Variants in PDE4C observed in about 807,000 individuals in gnomAD.
The protein encoded by PDE4C is phosphodiesterase 4C, also known as 3',5'-cyclic-AMP phosphodiesterase 4C.
PDE4C carries 50 observed loss-of-function variants against 63.9 expected under a neutral mutation model. The observed-to-expected ratio is 0.78, with a 90% CI of 0.62 to 0.99. PDE4C has a LOEUF of 0.99. PDE4C is among the 50% of genes least tolerant of loss of function. PDE4C has a pLI of 0.00. For missense variants in PDE4C, 777 were observed against 899.1 expected, an observed-to-expected ratio of 0.86 and a Z score of 1.74; for synonymous variants, 377 against 385.1, an observed-to-expected ratio of 0.98 and a Z score of 0.25.
At chr19:18,219,508 G>C in intron 7 of PDE4C, 111 bp from the exon 8 acceptor site, 1 of 1,258,562 alleles carries the variant, frequency 7.9e-7, no homozygotes. Flanking sequence ...CCTTTCTACA[G>C]GAACCAAAGT....
rs763759703 is a variant in PDE4C at position 18,213,503 on chromosome 19, A to G, written c.1390-13T>C. 4 of 1,609,016 alleles carry G rather than the reference A, an allele frequency of 2.5e-6. No homozygotes were observed. The East Asian group carries it at 6.7e-5, about 27-fold the overall frequency. On this transcript the variant is annotated splice_polypyrimidine_tract_variant and intron_variant, in intron 12 of 14. Coordinates refer to ENST00000262805, the Ensembl canonical transcript of PDE4C. ...CTGTGGCCAGCACCTGGGGGCAGGCAAGGGAAGGTGACAGGCGCGAGGACC... is the reference window on the plus strand; with the variant it reads ...CTGTGGCCAGCACCTGGGGGCAGGCGAGGGAAGGTGACAGGCGCGAGGACC...
exon 14 of PDE4C, chr19:18,211,860 T>G: frequency 6.2e-7 from 1 of 1,614,226 alleles, no homozygotes; most frequent in Non-Finnish European, 8.5e-7. Context: ...TCGGCCATGA[T>G]GCGGTCCGTC....
intron 1 of PDE4C, among the ~76,000 whole-genome samples, chr19:18,242,867 T>G (rs867337432): frequency 6.6e-6 from 1 of 151,154 alleles, no homozygotes; most frequent in African/African-American, 2.4e-5. Context: ...GGGTGAGGAC[T>G]TAGGATTTGA....
intron 1 of PDE4C, among the ~76,000 whole-genome samples, chr19:18,232,670 T>C (rs930670104): frequency 2.0e-5 from 3 of 150,626 alleles, no homozygotes; most frequent in Non-Finnish European, 4.4e-5. Context: ...CAAACACATC[T>C]GGTCACCCCA....
chr19:18,234,799 C>T (rs1244959279), upstream of PDE4C, among the ~76,000 whole-genome samples: 2 of 152,132 alleles, frequency 1.3e-5, no homozygotes, highest in African/African-American at 2.4e-5. Context: ...GGATGTCAGA[C>T]AGACTGAATT....
intron 12 of PDE4C, among the ~76,000 whole-genome samples, 172 bp from the exon 13 acceptor site, chr19:18,213,662 G>A (rs1968068996): frequency 1.3e-5 from 2 of 152,236 alleles, no homozygotes; most frequent in African/African-American, 4.8e-5. Context: ...TCAAAAGAGG[G>A]GCTCAGTCAG....
intron 13 of PDE4C, among the ~76,000 whole-genome samples, chr19:18,212,165 A>C (rs1045309081): frequency 1.4e-5 from 2 of 145,632 alleles, no homozygotes; most frequent in African/African-American, 5.0e-5. Context: ...TGAGAATTGC[A>C]AAAATGGAGG....
chr19:18,241,529 A>G (rs1285631051), intron 1 of PDE4C, among the ~76,000 whole-genome samples: 5 of 150,990 alleles, frequency 3.3e-5, no homozygotes, highest in African/African-American at 1.2e-4. Context: ...GGCCTCCCAA[A>G]GTGCTGGGAT....
chr19:18,224,130 G>T (rs946597603), intron 1 of PDE4C: 5 of 892,294 alleles, frequency 5.6e-6, no homozygotes, highest in Admixed American at 6.2e-5. Flanking sequence ...TACCTGTCCC[G>T]TTCTACCCTC....
At chr19:18,209,052 G>C (rs559548461), downstream of PDE4C, 1 of 152,248 alleles carries the variant, frequency 6.6e-6, no homozygotes, top group Non-Finnish European at 1.5e-5. Context: ...AGCAACAACT[G>C]GTGCATAGGT....
At chr19:18,236,250 AT>A (rs1968949350), upstream of PDE4C, among the ~76,000 whole-genome samples, 1 of 145,508 alleles carries the variant, frequency 6.9e-6, no homozygotes, top group East Asian at 2.1e-4. Context: ...GCCTGTTTTT[AT>A]TTTTTTAAGA....
intron 7 of PDE4C, among the ~76,000 whole-genome samples, chr19:18,219,869 T>G (rs183950031): frequency 6.6e-6 from 1 of 151,356 alleles, no homozygotes; most frequent in African/African-American, 2.4e-5. Context: ...CCTACCCCTC[T>G]CCTCTGTTCA....
chr19:18,246,239 A>AGT (rs1969130337), intron 1 of PDE4C, among the ~76,000 whole-genome samples: 1 of 145,206 alleles, frequency 6.9e-6, no homozygotes, highest in African/African-American at 2.6e-5. Context: ...CCTGGAGTGC[A>AGT]GTGGCATGAT....
chr19:18,232,985 C>A, exon 1 of PDE4C: 1 of 1,498,688 alleles, frequency 6.7e-7, no homozygotes. Flanking sequence ...AGAGCCGCGA[C>A]TTCCTGAGCT....
exon 1 of PDE4C, chr19:18,233,652 A>C: frequency 2.7e-6 from 1 of 376,924 alleles, no homozygotes; most frequent in South Asian, 1.9e-5. Context: ...CACCGTGTTG[A>C]AAGAGAAAAA....
At chr19:18,232,408 T>TGC (rs1555696802) in intron 1 of PDE4C, among the ~76,000 whole-genome samples, 29 of 149,818 alleles carry the variant, frequency 1.9e-4, no homozygotes, top group Admixed American at 5.3e-4. Context: ...TGTGTGTGTG[T>TGC]GCGTGTGTGT....
intron 1 of PDE4C, among the ~76,000 whole-genome samples, chr19:18,247,336 C>T (rs955707274): frequency 6.6e-6 from 1 of 152,032 alleles, no homozygotes; most frequent in African/African-American, 2.4e-5. Context: ...CACTCTGTCT[C>T]CCAGGCTGGA....
At position 18,221,179 on chromosome 19, in the gene PDE4C, C is replaced by T. The variant is rs1968467862; in HGVS notation, c.376-1G>A. The T allele has an allele frequency of 6.3e-7, 1 of 1,575,574 alleles. No homozygotes were observed. The highest frequency in any genetic ancestry group is 8.6e-7 in the Non-Finnish European group (1 of 1,166,628). On this transcript the variant is annotated splice_acceptor_variant, in intron 3 of 14. Coordinates refer to ENST00000262805, the Ensembl canonical transcript of PDE4C. LOFTEE classifies it high-confidence loss of function. ...GAACGGTCCGCAGACTGGCCAGGAC[C>T]TGTTGGGAGGAGGTGGTAGGCGGTG...
upstream of PDE4C, among the ~76,000 whole-genome samples, chr19:18,234,489 A>G (rs1482164416): frequency 6.6e-6 from 1 of 152,160 alleles, no homozygotes; most frequent in Non-Finnish European, 1.5e-5. Context: ...AACATTTTCC[A>G]TCATGGTTAA....
Sources: allele counts gnomAD v4.1 joint callset (sites outside exome capture counted in the v4.1 genomes callset), GRCh38; gene constraint gnomAD v4.1.1; transcripts MANE v1.5; gene names NCBI Gene and HGNC (gene_info 2026-07-23, HGNC 2026-07-21).